The following SYTL3 variants were observed in gnomAD, a reference collection of about 807,000 sequenced individuals.
SYTL3 encodes the protein synaptotagmin like 3, also known as synaptotagmin-like protein 3.
SYTL3 carries 88 observed loss-of-function variants against 82.1 expected under a neutral mutation model. The ratio of observed to expected loss-of-function variants is 1.07; its 90% CI spans 0.90 to 1.28. The LOEUF (loss-of-function observed/expected upper bound fraction) is 1.28. Among genes scored for constraint, SYTL3 ranks in the 50% most tolerant of loss-of-function variants. The pLI, the probability that SYTL3 is intolerant of heterozygous loss-of-function variation, is 0.00. For synonymous variants in SYTL3, 311 were observed against 289.4 expected (o/e 1.07, Z -0.76); for missense variants, 831 against 757.6 (o/e 1.10, Z -1.14).
intron 6 of SYTL3, among the ~76,000 whole-genome samples, chr6:158,703,979 G>A (rs1781646743): frequency 6.6e-6 from 1 of 151,650 alleles, no homozygotes; most frequent in African/African-American, 2.4e-5. Context: ...GTGACCTCAT[G>A]CCCGGCTAGG....
intron 1 of SYTL3, among the ~76,000 whole-genome samples, chr6:158,651,215 A>G (rs1201749431): frequency 6.6e-6 from 1 of 152,246 alleles, no homozygotes; most frequent in Non-Finnish European, 1.5e-5. Context: ...TATCTGGTTC[A>G]GAGTAAGAGC....
chr6:158,749,218 C>A (rs1395399789), intron 12 of SYTL3, among the ~76,000 whole-genome samples: 1 of 132,704 alleles, frequency 7.5e-6, no homozygotes, highest in African/African-American at 2.9e-5. Context: ...GAGTGAGACT[C>A]CCTCTCATTA....
chr6:158,672,966 C>T (rs1048070384), intron 5 of SYTL3, among the ~76,000 whole-genome samples: 7 of 152,006 alleles, frequency 4.6e-5, no homozygotes, highest in African/African-American at 1.7e-4. Context: ...GGGTGTCACT[C>T]CGTCACCCAG....
chr6:158,751,087 C>T (rs1004929998), intron 12 of SYTL3, among the ~76,000 whole-genome samples: 3 of 152,174 alleles, frequency 2.0e-5, no homozygotes, highest in South Asian at 2.1e-4. Flanking sequence ...TGAGCTTCTG[C>T]GCCTGGCCTC....
chr6:158,760,503 G>A (rs1010941752), intron 14 of SYTL3, 137 bp from the exon 15 acceptor site: 11 of 686,008 alleles, frequency 1.6e-5, no homozygotes, highest in Admixed American at 4.7e-5. Flanking sequence ...GTCCTGCCAC[G>A]GACACACCTG....
intron 5 of SYTL3, among the ~76,000 whole-genome samples, chr6:158,677,337 C>G (rs979191604): frequency 6.6e-6 from 1 of 152,108 alleles, no homozygotes; most frequent in African/African-American, 2.4e-5. Flanking sequence ...GTTTCTCACT[C>G]ATAGGTGGGA....
chr6:158,755,340 C>A (rs1423095644), intron 13 of SYTL3, among the ~76,000 whole-genome samples: 1 of 151,988 alleles, frequency 6.6e-6, no homozygotes, highest in African/African-American at 2.4e-5. Context: ...GAGATCCTGT[C>A]CCCCCAAAAA....
At chr6:158,665,857 C>T (rs1789988736) in intron 5 of SYTL3, among the ~76,000 whole-genome samples, 1 of 152,046 alleles carries the variant, frequency 6.6e-6, no homozygotes, top group Admixed American at 6.6e-5. Context: ...TGACCGTAAT[C>T]CTAGCATTTT....
At position 158,757,237 on chromosome 6, in the gene SYTL3, G is replaced by T; in HGVS notation, c.1164G>T (p.Val388=). The T allele has an allele frequency of 6.2e-7, 1 of 1,611,296 alleles. No homozygotes were observed. Among genetic ancestry groups the T allele is most frequent in the South Asian group, 1.1e-5 (1 of 90,990 alleles). ...ATCAGGTGGCCCCTGCCCAGCTGGT[G>T]ACCCGGCAGCTGCAGGTCTCGGTGT... The part of the protein sequence containing the change: ...LKYQVAPAQL[V]TRQLQVSVWH... Residue 388 remains valine, a synonymous_variant, in exon 14 of 18, where the codon GTG becomes GTT. Coordinates refer to ENST00000611299, the MANE Select transcript of SYTL3 (RefSeq NM_001242394.2).
chr6:158,694,429 G>C (rs1468878244), intron 6 of SYTL3, among the ~76,000 whole-genome samples: 2 of 151,834 alleles, frequency 1.3e-5, no homozygotes, highest in Non-Finnish European at 1.5e-5. Flanking sequence ...CAAGTAACTG[G>C]GACCACAGGT....
At chr6:158,664,843 G>T (rs928332957) in intron 4 of SYTL3, among the ~76,000 whole-genome samples, 3 of 151,762 alleles carry the variant, frequency 2.0e-5, no homozygotes, top group Non-Finnish European at 4.4e-5. Flanking sequence ...CACCTTTTTG[G>T]TCCAATACAG....
Position 158,718,144 on chromosome 6 carries a change from C to T in SYTL3, c.653C>T (p.Pro218Leu), listed in dbSNP as rs569809355. 6.5e-6 allele frequency: 10 copies of T among 1,546,670 alleles called. No individual in the cohort carries two copies. Among genetic ancestry groups the T allele is most frequent in the African/African-American group, 4.1e-5 (3 of 72,932 alleles). ...TSEKHLLATG[P>L]RQCVGQTERR... ...GAGAAGCATCTTCTCGCCACGGGCC[C>T]CAGGCAGTGTGTGGGACAGACAGAG... The change falls in exon 10 of 18, where the codon CCC (proline) becomes CTC (leucine). Residue 218 changes from proline to leucine, a missense_variant. Transcript: ENST00000611299.
chr6:158,725,119 CT>C (rs767945250), intron 10 of SYTL3, among the ~76,000 whole-genome samples: 1 of 152,182 alleles, frequency 6.6e-6, no homozygotes, highest in Non-Finnish European at 1.5e-5. Flanking sequence ...TTATAAGCAT[CT>C]TAGAGCTAAA....
At chr6:158,756,335 A>G (rs3102981) in intron 13 of SYTL3, among the ~76,000 whole-genome samples, 76,815 of 152,254 alleles carry the variant, frequency 0.5, 20,229 homozygotes, top group African/African-American at 0.57. Flanking sequence ...GCCTGAGCAC[A>G]GGCACCGTCC....
At chr6:158,704,621 C>T (rs1034557125) in intron 6 of SYTL3, among the ~76,000 whole-genome samples, 4 of 152,248 alleles carry the variant, frequency 2.6e-5, no homozygotes, top group African/African-American at 9.6e-5. Flanking sequence ...AGTGAAAGGG[C>T]AAGGCCTGCA....
chr6:158,706,150 T>G (rs891212446), intron 6 of SYTL3, among the ~76,000 whole-genome samples: 2 of 151,950 alleles, frequency 1.3e-5, no homozygotes, highest in Non-Finnish European at 2.9e-5. Context: ...CCTTATAGAA[T>G]CCTGTGAAAG....
chr6:158,651,725 A>AT (rs1788043373), intron 1 of SYTL3, 28 bp from the exon 2 acceptor site: 1 of 151,742 alleles, frequency 6.6e-6, no homozygotes, highest in African/African-American at 2.4e-5. Context: ...CTAAAGTAAT[A>AT]TTTTTTGTTG....
Position 158,671,992 on chromosome 6 carries a change from A to G in SYTL3, c.329+6379A>G, listed in dbSNP as rs938504247. 3.2e-4 allele frequency among the ~76,000 whole-genome samples: 48 copies of G among 151,990 alleles called. 1 individual carries two copies. The highest frequency in any genetic ancestry group is 1.5e-4 in the African/African-American group (6 of 41,376). ...GTTCTTTATTTTGATTCATTTTTCA[A>G]TCACTTGAATTGCCTCCTTAAGAAG... On this transcript the variant is annotated intron_variant, in intron 5 of 17. Coordinates refer to ENST00000611299, the MANE Select transcript of SYTL3 (RefSeq NM_001242394.2).
At chr6:158,666,966 C>T (rs1790141013) in intron 5 of SYTL3, among the ~76,000 whole-genome samples, 1 of 152,244 alleles carries the variant, frequency 6.6e-6, no homozygotes, top group South Asian at 2.1e-4. Flanking sequence ...AGCCATTGTC[C>T]TTCAGGCTTT....
Sources: gnomAD v4.1 joint callset for allele counts (sites outside exome capture counted in the v4.1 genomes callset) on GRCh38, gnomAD v4.1.1 for gene constraint, MANE v1.5 for transcripts, NCBI Gene and HGNC (gene_info 2026-07-23, HGNC 2026-07-21) for gene names.